SORBS2: variants seen among roughly 807,000 people sequenced by gnomAD.
SORBS2 encodes sorbin and SH3 domain-containing protein 2.
SORBS2 carries 46 observed loss-of-function variants against 97.7 expected under a neutral mutation model. The observed-to-expected ratio is 0.47, with a 90% CI of 0.37 to 0.60. The LOEUF is 0.60. Among genes scored for constraint, SORBS2 ranks in the 20% least tolerant of loss-of-function variants. The pLI, the probability that SORBS2 is intolerant of heterozygous loss-of-function variation, is 0.00. For synonymous variants in SORBS2, 476 were observed against 473.4 expected, an observed-to-expected ratio of 1.01 and a Z score of -0.07; for missense variants, 1,316 against 1,282.3, an observed-to-expected ratio of 1.03 and a Z score of -0.40.
intron 1 of SORBS2, among the ~76,000 whole-genome samples, chr4:185,824,646 T>C (rs906743560): frequency 9.9e-5 from 15 of 152,126 alleles, no homozygotes; most frequent in African/African-American, 3.6e-4. Flanking sequence ...CCCAGGATGC[T>C]GGTGGAAAAG....
At chr4:185,866,211 T>G (rs1014880096) in intron 1 of SORBS2, among the ~76,000 whole-genome samples, 1 of 152,174 alleles carries the variant, frequency 6.6e-6, no homozygotes, top group Non-Finnish European at 1.5e-5. Flanking sequence ...GTTCCCTGAG[T>G]ACCAGTGCTG....
Position 185,606,008 on chromosome 4 carries a change from A to G in SORBS2, c.2796+5772T>C, listed in dbSNP as rs2153391880. ...TAAGTAGTCAATGTGAAGTCAACAC[A>G]AAGAGAACGACCTCTTTAGAAAATC... On this transcript the variant is annotated intron_variant, in intron 12 of 14. Coordinates refer to ENST00000418609, the Ensembl canonical transcript of SORBS2. The surrounding 1 kb of genome is among the most constrained non-coding windows in gnomAD (Gnocchi z 4.3). 1 of 771,872 alleles carries G rather than the reference A, an allele frequency of 1.3e-6. No homozygotes were observed. Among genetic ancestry groups the G allele is most frequent in the South Asian group, 5.9e-5 (1 of 16,926 alleles). The allele number at this position is 771,872 out of a possible 1,614,324, so 47.8% of individuals were successfully genotyped here.
intron 2 of SORBS2, among the ~76,000 whole-genome samples, chr4:185,704,430 T>C (rs2098310955): frequency 6.6e-6 from 1 of 151,596 alleles, no homozygotes; most frequent in Admixed American, 6.6e-5. Flanking sequence ...GCTCTTCTCC[T>C]GCCTCAGCCT....
Position 185,684,758 on chromosome 4 carries a change from A to T in SORBS2, c.-197-5936T>A. 6.5e-7 allele frequency: 1 copy of T among 1,549,878 alleles called. No homozygotes were observed. Among genetic ancestry groups the T allele is most frequent in the Non-Finnish European group, 8.7e-7 (1 of 1,145,244 alleles). ...TGTGAGTTAGTGATATTATACCTGC[A>T]GCCAATAGGTTTGGAGAACTTTGCA... On this transcript the variant is annotated intron_variant, in intron 2 of 20. Transcript: ENST00000284776. The surrounding 1 kb of genome is among the most constrained non-coding windows in gnomAD (Gnocchi z 4.2).
intron 1 of SORBS2, among the ~76,000 whole-genome samples, chr4:185,915,997 T>C (rs2099257949): frequency 6.6e-6 from 1 of 152,004 alleles, no homozygotes; most frequent in African/African-American, 2.4e-5. Flanking sequence ...TCATCAACGA[T>C]CTGTATGAAC....
chr4:185,835,175 A>C (rs995610691), intron 1 of SORBS2, among the ~76,000 whole-genome samples: 9 of 152,138 alleles, frequency 5.9e-5, no homozygotes, highest in Admixed American at 3.9e-4. Flanking sequence ...ATTCTTCCAC[A>C]CTTCCTGTAC....
intron 1 of SORBS2, among the ~76,000 whole-genome samples, chr4:185,821,868 T>C (rs1347895641): frequency 2.0e-5 from 3 of 152,234 alleles, no homozygotes; most frequent in African/African-American, 4.8e-5. Flanking sequence ...TAGTCGTCAT[T>C]ATTACGAAAC....
intron 1 of SORBS2, among the ~76,000 whole-genome samples, chr4:185,853,084 C>T (rs922695795): frequency 6.6e-6 from 1 of 152,108 alleles, no homozygotes; most frequent in Non-Finnish European, 1.5e-5. Flanking sequence ...ATGTAAAATA[C>T]CTTCTCCCTG....
chr4:185,929,618 C>A (rs1242738521), intron 1 of SORBS2, among the ~76,000 whole-genome samples: 2 of 151,290 alleles, frequency 1.3e-5, no homozygotes, highest in African/African-American at 4.9e-5. Context: ...TCACTGGAAC[C>A]TCCGCCTCCC....
Position 185,747,484 on chromosome 4 carries a change from T to C in SORBS2, c.-198+27743A>G, listed in dbSNP as rs138414212. On this transcript the variant is annotated intron_variant, in intron 2 of 20. Transcript: ENST00000284776. ...AGCAGAGGGCACAAGTTCATGGCAG[T>C]GTGCTCAGGGGTACCTGGCCCCTCT... Among the ~76,000 whole-genome samples, 265 of 152,348 alleles carry C rather than the reference T, an allele frequency of 1.7e-3. 4 individuals carry two copies. The East Asian group carries it at 0.04, about 23-fold the overall frequency.
At chr4:185,904,757 G>T (rs1463189410) in intron 1 of SORBS2, among the ~76,000 whole-genome samples, 1 of 152,190 alleles carries the variant, frequency 6.6e-6, no homozygotes, top group African/African-American at 2.4e-5. Context: ...TTATGGCAAA[G>T]CTCAGGACAT....
At chr4:185,807,250 G>A (rs990867229) in intron 1 of SORBS2, among the ~76,000 whole-genome samples, 1 of 151,996 alleles carries the variant, frequency 6.6e-6, no homozygotes, top group Non-Finnish European at 1.5e-5. Flanking sequence ...ACATTACCAG[G>A]CCTTTTTGTT....
intron 1 of SORBS2, among the ~76,000 whole-genome samples, chr4:185,826,085 G>A (rs964374200): frequency 2.0e-5 from 3 of 152,182 alleles, no homozygotes; most frequent in East Asian, 1.9e-4. Flanking sequence ...GAGAAGCATC[G>A]TTTCAGTCAG....
intron 1 of SORBS2, among the ~76,000 whole-genome samples, chr4:185,877,883 A>AAAAAGAAAG (rs1344109012): frequency 2.1e-5 from 3 of 145,278 alleles, no homozygotes; most frequent in African/African-American, 7.7e-5. Context: ...ACAAAAAAAA[A>AAAAAGAAAG]AAAGAAAGAA....
chr4:185,915,832 C>CA (rs756992940), intron 1 of SORBS2, among the ~76,000 whole-genome samples: 1 of 151,964 alleles, frequency 6.6e-6, no homozygotes, highest in East Asian at 1.9e-4. Context: ...TTAAGTAACA[C>CA]AAAAAAACCT....
chr4:185,615,518 T>C (rs1326228650), intron 9 of SORBS2, among the ~76,000 whole-genome samples: 1 of 152,122 alleles, frequency 6.6e-6, no homozygotes, highest in Non-Finnish European at 1.5e-5. Flanking sequence ...CACTGATTTT[T>C]TTTTTTTTTG....
chr4:185,680,743 G>A (rs1282131711), intron 2 of SORBS2, among the ~76,000 whole-genome samples: 2 of 152,076 alleles, frequency 1.3e-5, no homozygotes, highest in African/African-American at 4.8e-5. Context: ...GTGCAGGTGC[G>A]GTGAGAAAGA....
chr4:185,686,526 A>G (rs114433647), intron 2 of SORBS2, among the ~76,000 whole-genome samples: 15 of 152,350 alleles, frequency 9.8e-5, no homozygotes, highest in African/African-American at 3.6e-4. Flanking sequence ...TTCCTTCAGG[A>G]AAGGCTCCAA....
chr4:185,658,003 A>G (rs2097437103), upstream of SORBS2, among the ~76,000 whole-genome samples: 1 of 152,150 alleles, frequency 6.6e-6, no homozygotes, highest in Non-Finnish European at 1.5e-5. Flanking sequence ...TCAGGTCATC[A>G]TTTACATCAA....
Sources: allele counts gnomAD v4.1 joint callset (sites outside exome capture counted in the v4.1 genomes callset), GRCh38; gene constraint gnomAD v4.1.1; non-coding constraint Gnocchi (gnomAD v3.1); transcripts MANE v1.5; gene names NCBI Gene and HGNC (gene_info 2026-07-23, HGNC 2026-07-21).